The following CCDC34 variants were observed in gnomAD, a reference collection of about 807,000 sequenced individuals.
The protein encoded by CCDC34 is coiled-coil domain-containing protein 34.
In CCDC34, 40 loss-of-function variants were observed where a neutral mutation model predicts 44.1. The ratio of observed to expected loss-of-function variants is 0.91; its 90% CI spans 0.70 to 1.18. The LOEUF is 1.18. CCDC34 is among the 50% of genes most tolerant of loss of function. The pLI is 0.00. For synonymous variants in CCDC34, 159 were observed against 158.2 expected (o/e 1.01, Z -0.04); for missense variants, 466 against 452.3 (o/e 1.03, Z -0.28).
intron 1 of CCDC34, among the ~76,000 whole-genome samples, chr11:27,358,764 T>C (rs909950856): frequency 1.3e-5 from 2 of 152,078 alleles, no homozygotes; most frequent in South Asian, 4.2e-4. Context: ...AACTATGTGA[T>C]ACATAACTCA....
intron 2 of CCDC34, among the ~76,000 whole-genome samples, chr11:27,354,359 C>A (rs946535982): frequency 1.3e-5 from 2 of 152,160 alleles, no homozygotes; most frequent in African/African-American, 2.4e-5. Flanking sequence ...CAAAACAAAT[C>A]TTCATAGCAG....
rs1788040889 is a variant in CCDC34, at chr11:27,362,987, G to A, written c.208C>T (p.Leu70Phe). 2 of 1,614,204 alleles carry A rather than the reference G, an allele frequency of 1.2e-6. No homozygotes were observed. The highest frequency in any genetic ancestry group is 1.7e-6 in the Non-Finnish European group (2 of 1,180,040). Residue 70 changes from leucine (L) to phenylalanine (F), a missense_variant, in exon 1 of 6, where the codon CTT becomes TTT. Coordinates refer to ENST00000328697, the MANE Select transcript of CCDC34 (RefSeq NM_030771.2). The stretch of plus-strand genomic sequence containing the variant: ...TCAAACTGGAAGCTCTGGTGGCCAA[G>A]GGGAGACAACAGCGACCTGGTGGAA... ...SNSTRSLLSPLGHQSFQFDED... is the reference protein window; with the variant it reads ...SNSTRSLLSPFGHQSFQFDED...
chr11:27,338,771 AT>A lies in CCDC34; in HGVS notation c.*49del. The A allele has an allele frequency of 6.8e-7, 1 of 1,481,076 alleles. No homozygotes were observed. The highest frequency in any genetic ancestry group is 9.3e-7 in the Non-Finnish European group (1 of 1,072,852). The allele number at this position is 1,481,076 out of a possible 1,614,324, so 91.7% of individuals were successfully genotyped here. On this transcript the variant is annotated 3_prime_UTR_variant, in exon 6 of 6. Transcript: ENST00000328697. Reference sequence around the variant, plus strand: ...ACTGAGCAGTAAAAAACAATTTCTGATTTTTAAATTAAATAGCTCCAGATAA... The same window carrying A: ...ACTGAGCAGTAAAAAACAATTTCTGATTTTAAATTAAATAGCTCCAGATAA...
chr11:27,361,140 T>C (rs1862657849), intron 1 of CCDC34, among the ~76,000 whole-genome samples: 1 of 152,210 alleles, frequency 6.6e-6, no homozygotes, highest in Non-Finnish European at 1.5e-5. Context: ...GCATTCTCTT[T>C]TCAAACCCAC....
intron 1 of CCDC34, among the ~76,000 whole-genome samples, chr11:27,361,079 A>G (rs1862657014): frequency 6.6e-6 from 1 of 152,212 alleles, no homozygotes; most frequent in South Asian, 2.1e-4. Flanking sequence ...ACGTTTATTG[A>G]GCACCTAATA....
In CCDC34 at chr11:27,356,008, A is replaced by ATTTTTTTT. The variant is rs34146389; in HGVS notation, c.498+1387_498+1394dup. On this transcript the variant is annotated intron_variant, in intron 2 of 5. Coordinates refer to ENST00000328697, the MANE Select transcript of CCDC34 (RefSeq NM_030771.2). ...AGATCATGAAGCTTTTGTTCCCAGG[A>ATTTTTTTT]TTTTTTTTTTTTTTTTTTTTTTTTT... 8.3e-3 allele frequency among the ~76,000 whole-genome samples: 578 copies of ATTTTTTTT among 69,498 alleles called. 37 individuals carry two copies. The highest frequency in any genetic ancestry group is 0.013 in the South Asian group (15 of 1,140). 45.6% of individuals were successfully genotyped at this position (69,498 alleles called of 152,430 possible).
At position 27,363,081 on chromosome 11, in the gene CCDC34, C is replaced by G. The variant is rs761985289; in HGVS notation, c.114G>C (p.Thr38=). ...CCTCCAGCCCCTGCCCACGTGCGCCCGTCATAGGGACTGAGCAGGAGTCCG... is the reference window on the plus strand; with the variant it reads ...CCTCCAGCCCCTGCCCACGTGCGCCGGTCATAGGGACTGAGCAGGAGTCCG... ...PSSDSCSVPM[T]GARGQGLEVV... Residue 38 remains threonine, a synonymous_variant, in exon 1 of 6, where the codon ACG becomes ACC. Transcript: ENST00000328697. 18 of 1,611,386 alleles carry G rather than the reference C, an allele frequency of 1.1e-5. No individual in the cohort carries two copies. The highest frequency in any genetic ancestry group is 5.5e-5 in the South Asian group (5 of 90,782).
intron 3 of CCDC34, among the ~76,000 whole-genome samples, chr11:27,347,372 A>C (rs1862448306): frequency 6.6e-6 from 1 of 152,192 alleles, no homozygotes; most frequent in Admixed American, 6.5e-5. Context: ...GCATTCACAC[A>C]AGAGAAATGA....
At chr11:27,355,775 A>G (rs1160681092) in intron 2 of CCDC34, among the ~76,000 whole-genome samples, 1 of 152,206 alleles carries the variant, frequency 6.6e-6, no homozygotes, top group Admixed American at 6.5e-5. Flanking sequence ...TCAAGAGGAA[A>G]TAAGTGCCAC....
chr11:27,340,823 T>C lies in CCDC34; in HGVS notation c.780A>G (p.Gln260=), dbSNP rs1862345639. The C allele has an allele frequency of 6.2e-7, 1 of 1,612,040 alleles. No individual in the cohort carries two copies. The highest frequency in any genetic ancestry group is 1.7e-5 in the Admixed American group (1 of 59,636). Residue 260 remains glutamine (Q), a synonymous_variant, in exon 5 of 6, where the codon CAA becomes CAG. Transcript: ENST00000328697. ...RKKKEKEKEK[Q]QQAEIQEKKE... ...TTTTCTCCTGTATTTCAGCTTGCTG[T>C]TGTTTTTCTTTTTCCTTAAAATGAC...
At chr11:27,348,803 GAAAAAAAA>G (rs34797091) in intron 3 of CCDC34, 3 of 762,272 alleles carry the variant, frequency 3.9e-6, no homozygotes, top group Non-Finnish European at 4.7e-6. Context: ...AGGTCTTAAA[GAAAAAAAA>G]AAAAAAAAAA....
chr11:27,356,038 G>A (rs1327803581), intron 2 of CCDC34, among the ~76,000 whole-genome samples: 1 of 30,062 alleles, frequency 3.3e-5, no homozygotes, highest in Non-Finnish European at 6.5e-5. Context: ...TTTTTTTTTA[G>A]ACAGAGTTTT....
At chr11:27,346,445 G>C (rs12806640) in intron 3 of CCDC34, among the ~76,000 whole-genome samples, 39,943 of 135,686 alleles carry the variant, frequency 0.29, 6,029 homozygotes, top group South Asian at 0.44. Context: ...GAGGGGAGGG[G>C]AGGAAGGAAG....
chr11:27,350,332 T>G lies in CCDC34; in HGVS notation c.606A>C (p.Gln202His). 1.2e-6 allele frequency: 2 copies of G among 1,614,004 alleles called. No individual in the cohort carries two copies. Among genetic ancestry groups the G allele is most frequent in the Middle Eastern group, 1.7e-4 (1 of 6,060 alleles). ...HKEWVQKKNE[Q>H]KRKEREQKIN... ...TGTGTATCCATTTTCCCCTCCTTAC[T>G]TGCTCATTCTTTTTCTGAACCCATT... The change falls in exon 3 of 6, where the codon CAA (glutamine) becomes CAC (histidine). Residue 202 changes from glutamine (Q) to histidine (H), a missense_variant and splice_region_variant. Gln to His is a conservative substitution (Grantham distance 24, BLOSUM62 0). Coordinates refer to ENST00000328697, the MANE Select transcript of CCDC34 (RefSeq NM_030771.2).
chr11:27,346,474 AGAAGGAAGGAAGGAAGGAAGGAAG>A (rs35249457), intron 3 of CCDC34, among the ~76,000 whole-genome samples: 1 of 128,046 alleles, frequency 7.8e-6, no homozygotes, highest in Non-Finnish European at 1.6e-5. Context: ...GACAGAGGAA[AGAAGGAAGGAAGGAAGGAAGGAAG>A]GAAGGAAGGA....
intron 1 of CCDC34, among the ~76,000 whole-genome samples, chr11:27,361,343 T>C (rs1408583905): frequency 1.3e-5 from 2 of 152,238 alleles, no homozygotes; most frequent in South Asian, 4.1e-4. Context: ...AGCTGAGCTA[T>C]AGTTCCGATG....
At chr11:27,343,849 G>T (rs1198072303) in intron 3 of CCDC34, among the ~76,000 whole-genome samples, 1 of 152,110 alleles carries the variant, frequency 6.6e-6, no homozygotes, top group Non-Finnish European at 1.5e-5. Context: ...ATTTGCCTAA[G>T]GTCATAGAGA....
At chr11:27,346,303 C>T (rs568565011) in intron 3 of CCDC34, among the ~76,000 whole-genome samples, 4 of 151,328 alleles carry the variant, frequency 2.6e-5, no homozygotes, top group South Asian at 2.1e-4. Flanking sequence ...GGCTGAGGCA[C>T]GAGAATTGCT....
chr11:27,341,087 T>C (rs1409662326), intron 4 of CCDC34, among the ~76,000 whole-genome samples: 3 of 152,186 alleles, frequency 2.0e-5, no homozygotes, highest in Admixed American at 6.5e-5. Context: ...TTTCAAAGAA[T>C]AGTAATTTAT....
Sources: allele counts gnomAD v4.1 joint callset (sites outside exome capture counted in the v4.1 genomes callset), GRCh38; gene constraint gnomAD v4.1.1; transcripts MANE v1.5; gene names NCBI Gene and HGNC (gene_info 2026-07-23, HGNC 2026-07-21).